Variants in DLGAP2 observed in about 807,000 individuals in gnomAD.
DLGAP2 encodes DLG associated protein 2, also known as disks large-associated protein 2.
A neutral mutation model predicts 100.3 loss-of-function variants in DLGAP2; 26 were observed. The ratio of observed to expected loss-of-function variants is 0.26; its 90% CI spans 0.19 to 0.36. The LOEUF (loss-of-function observed/expected upper bound fraction) is 0.36, where lower values mean the gene tolerates loss of function less well. Ranked by LOEUF, DLGAP2 falls within the 10% of genes least tolerant of loss-of-function variation. DLGAP2 has a pLI of 1.00. For synonymous variants in DLGAP2, 886 were observed against 630.1 expected (o/e 1.41, Z -6.08); for missense variants, 1,858 against 1,453.2 (o/e 1.28, Z -4.53).
chr8:1,638,976 C>T (rs1418193149), intron 8 of DLGAP2, among the ~76,000 whole-genome samples: 5 of 152,182 alleles, frequency 3.3e-5, no homozygotes, highest in African/African-American at 7.2e-5. Context: ...AAGGGATGGC[C>T]AGTACAACCG....
At chr8:1,691,489 A>C (rs1291295921) in intron 12 of DLGAP2, 46 bp from the exon 13 acceptor site, 1 of 1,527,072 alleles carries the variant, frequency 6.5e-7, no homozygotes, top group African/African-American at 1.4e-5. Flanking sequence ...TAATTGACCC[A>C]GTTTTGAAGT....
intron 1 of DLGAP2, among the ~76,000 whole-genome samples, chr8:887,634 C>T (rs1797948148): frequency 6.6e-6 from 1 of 152,144 alleles, no homozygotes; most frequent in African/African-American, 2.4e-5. Flanking sequence ...ACTTATGAAG[C>T]TTAGTTTGGC....
At chr8:1,612,448 A>G (rs1483735673) in intron 6 of DLGAP2, among the ~76,000 whole-genome samples, 1 of 141,146 alleles carries the variant, frequency 7.1e-6, no homozygotes, top group Non-Finnish European at 1.5e-5. Flanking sequence ...CTAGAAGAAA[A>G]CCTAGGCATT....
chr8:1,343,282 C>T (rs1340130347), intron 3 of DLGAP2, among the ~76,000 whole-genome samples: 1 of 152,170 alleles, frequency 6.6e-6, no homozygotes, highest in East Asian at 1.9e-4. Context: ...CAGGCCTGAG[C>T]CTCCAGGTGT....
At chr8:1,436,285 C>T (rs146135524) in intron 3 of DLGAP2, among the ~76,000 whole-genome samples, 1 of 152,280 alleles carries the variant, frequency 6.6e-6, no homozygotes, top group South Asian at 2.1e-4. Flanking sequence ...GGTGTGAGTC[C>T]AAGAGTCCAA....
intron 1 of DLGAP2, among the ~76,000 whole-genome samples, chr8:891,942 A>C (rs905405188): frequency 6.6e-6 from 1 of 152,210 alleles, no homozygotes; most frequent in Admixed American, 6.5e-5. Context: ...TGCGCCACAC[A>C]GAGCATGGAG....
chr8:1,576,150 G>C (rs1453213247), intron 6 of DLGAP2, among the ~76,000 whole-genome samples: 2 of 152,090 alleles, frequency 1.3e-5, no homozygotes, highest in Non-Finnish European at 2.9e-5. Flanking sequence ...ACTTTTTAAT[G>C]ATCGCCATTC....
At position 1,632,880 on chromosome 8, in the gene DLGAP2, C is replaced by G. The variant is rs1014122751; in HGVS notation, c.1644C>G (p.Phe548Leu). 1 of 1,613,824 alleles carries G rather than the reference C, an allele frequency of 6.2e-7. No homozygotes were observed. Among genetic ancestry groups the G allele is most frequent in the Non-Finnish European group, 8.5e-7 (1 of 1,179,870 alleles). ...GQFESVCESV[F>L]SEVESQAMDA... ...TCGAGTCCGTGTGCGAGTCCGTCTT[C>G]AGTGAAGTTGAATCTCAGGCCATGG... Residue 548 changes from phenylalanine (F) to leucine (L), a missense_variant, in exon 8 of 15, where the codon TTC (phenylalanine) becomes TTG (leucine). Phe to Leu is a conservative substitution (Grantham distance 22). Coordinates refer to ENST00000637795, the MANE Select transcript of DLGAP2 (RefSeq NM_001346810.2).
intron 2 of DLGAP2, among the ~76,000 whole-genome samples, chr8:1,212,683 C>G (rs1324502509): frequency 6.6e-6 from 1 of 152,066 alleles, no homozygotes; most frequent in Non-Finnish European, 1.5e-5. Context: ...AATGACCTCA[C>G]CCTGGGAGTG....
intron 3 of DLGAP2, among the ~76,000 whole-genome samples, chr8:1,328,438 C>T (rs780720128): frequency 8.5e-5 from 13 of 152,200 alleles, no homozygotes; most frequent in African/African-American, 2.4e-5. Flanking sequence ...CCTGCCTCAG[C>T]CTCCCGAGTA....
intron 2 of DLGAP2, among the ~76,000 whole-genome samples, chr8:1,004,932 A>G (rs1801063652): frequency 6.6e-6 from 1 of 152,188 alleles, no homozygotes; most frequent in African/African-American, 2.4e-5. Context: ...GGCACCATGC[A>G]GGAAGGCTGC....
intron 2 of DLGAP2, among the ~76,000 whole-genome samples, chr8:1,047,715 C>T (rs1032157395): frequency 6.0e-5 from 9 of 150,574 alleles, no homozygotes; most frequent in African/African-American, 2.2e-4. Flanking sequence ...TCTCTGTGGC[C>T]TTTTTTTTTA....
At chr8:906,116 C>T (rs1284673948) in intron 1 of DLGAP2, among the ~76,000 whole-genome samples, 1 of 152,250 alleles carries the variant, frequency 6.6e-6, no homozygotes, top group African/African-American at 2.4e-5. Context: ...TGGGCAGCCC[C>T]TCCTTAGGAG....
intron 1 of DLGAP2, among the ~76,000 whole-genome samples, chr8:750,717 A>G (rs1282851859): frequency 6.6e-6 from 1 of 152,194 alleles, no homozygotes; most frequent in African/African-American, 2.4e-5. Flanking sequence ...TCCATCTACC[A>G]TGCAGCCCCC....
intron 2 of DLGAP2, among the ~76,000 whole-genome samples, chr8:1,048,392 C>A (rs911157217): frequency 6.6e-6 from 1 of 152,040 alleles, no homozygotes; most frequent in African/African-American, 2.4e-5. Flanking sequence ...AGGGCCTCTC[C>A]TGGTCTCAGT....
chr8:999,524 G>A (rs1214680455), intron 2 of DLGAP2, among the ~76,000 whole-genome samples: 1 of 150,838 alleles, frequency 6.6e-6, no homozygotes, highest in Non-Finnish European at 1.5e-5. Context: ...TGCCAGTCAG[G>A]CTGGAGTGCA....
intron 2 of DLGAP2, among the ~76,000 whole-genome samples, chr8:1,214,229 T>A (rs1798165904): frequency 6.6e-6 from 1 of 152,058 alleles, no homozygotes; most frequent in African/African-American, 2.4e-5. Context: ...TAAATGCCCC[T>A]CCTCAGCAAG....
intron 6 of DLGAP2, among the ~76,000 whole-genome samples, chr8:1,570,279 C>T (rs1802601115): frequency 6.6e-6 from 1 of 152,246 alleles, no homozygotes; most frequent in East Asian, 1.9e-4. Context: ...TTGGGTTTCA[C>T]CCACGTGAAC....
At chr8:1,481,635 C>T (rs1183447867) in intron 3 of DLGAP2, among the ~76,000 whole-genome samples, 5 of 151,848 alleles carry the variant, frequency 3.3e-5, no homozygotes, top group East Asian at 1.9e-4. Flanking sequence ...TGAACCACCA[C>T]GCCCGGCTAA....
Sources: allele counts gnomAD v4.1 joint callset (sites outside exome capture counted in the v4.1 genomes callset), GRCh38; gene constraint gnomAD v4.1.1; transcripts MANE v1.5; gene names NCBI Gene and HGNC (gene_info 2026-07-23, HGNC 2026-07-21).